Variants in ANKS1B observed in about 807,000 individuals in gnomAD.
ANKS1B encodes ankyrin repeat and sterile alpha motif domain-containing protein 1B.
ANKS1B carries 36 observed loss-of-function variants against 148.3 expected under a neutral mutation model. The observed-to-expected ratio is 0.24, with a 90% CI of 0.19 to 0.32. The LOEUF (loss-of-function observed/expected upper bound fraction) is 0.32. Among genes scored for constraint, ANKS1B ranks in the 10% least tolerant of loss-of-function variants. ANKS1B has a pLI of 1.00. For synonymous variants in ANKS1B, 542 were observed against 560.8 expected, an observed-to-expected ratio of 0.97 and a Z score of 0.47; for missense variants, 1,157 against 1,542.6, an observed-to-expected ratio of 0.75 and a Z score of 4.19.
chr12:99,844,165 T>C (rs1232344296), intron 1 of ANKS1B, among the ~76,000 whole-genome samples: 1 of 152,182 alleles, frequency 6.6e-6, no homozygotes, highest in East Asian at 1.9e-4. Context: ...AGAGAGTAGA[T>C]TGCAAGAATT....
At chr12:98,780,321 C>T (rs1285426779) in intron 24 of ANKS1B, among the ~76,000 whole-genome samples, 3 of 152,298 alleles carry the variant, frequency 2.0e-5, no homozygotes, top group South Asian at 2.1e-4. Context: ...AACACATGAA[C>T]GTTTGGGGTT....
At chr12:99,653,126 G>A (rs574852417) in intron 9 of ANKS1B, among the ~76,000 whole-genome samples, 7 of 152,048 alleles carry the variant, frequency 4.6e-5, no homozygotes, top group African/African-American at 1.7e-4. Context: ...ATGGCCAAAG[G>A]TAAAGCAAAC....
chr12:98,806,769 C>T (rs901721286), intron 20 of ANKS1B, among the ~76,000 whole-genome samples: 2 of 152,186 alleles, frequency 1.3e-5, no homozygotes, highest in Non-Finnish European at 2.9e-5. Context: ...GTTGGTTATA[C>T]TGAATTTGTT....
chr12:99,572,261 G>C (rs756981932), intron 9 of ANKS1B, among the ~76,000 whole-genome samples: 20 of 151,968 alleles, frequency 1.3e-4, no homozygotes, highest in Non-Finnish European at 1.3e-4. Context: ...ATACCATCTT[G>C]AATTGAAATA....
rs12313090 is a variant in ANKS1B at position 99,880,600 on chromosome 12, A to G, written c.135-55211T>C. On this transcript the variant is annotated intron_variant, in intron 1 of 26. Transcript: ENST00000683438. ...CTGCCTTCTATGTACAGGTAGTAGT[A>G]TAGAATAGTTGTGTACATGTGATGC... Among the ~76,000 whole-genome samples the G allele has an allele frequency of 5.0e-3, 761 of 152,354 alleles. 8 individuals are homozygous for G. Among genetic ancestry groups the G allele is most frequent in the African/African-American group, 0.017 (712 of 41,578 alleles).
chr12:98,982,293 T>A (rs1339351817), intron 17 of ANKS1B, among the ~76,000 whole-genome samples: 50 of 148,986 alleles, frequency 3.4e-4, no homozygotes, highest in Admixed American at 3.3e-3. Context: ...GGGGCCTACC[T>A]CTGTAGTTCT....
chr12:98,827,673 C>T (rs2099261025), intron 19 of ANKS1B, among the ~76,000 whole-genome samples: 1 of 152,092 alleles, frequency 6.6e-6, no homozygotes, highest in South Asian at 2.1e-4. Flanking sequence ...AAAAACCCTG[C>T]AGTATATGGA....
intron 12 of ANKS1B, among the ~76,000 whole-genome samples, chr12:99,276,234 G>T (rs762448810): frequency 1.3e-5 from 2 of 152,032 alleles, no homozygotes; most frequent in African/African-American, 2.4e-5. Context: ...AGACGGTTTG[G>T]GACATTAAAT....
chr12:99,626,967 T>C (rs915735846), intron 9 of ANKS1B, among the ~76,000 whole-genome samples: 6 of 152,126 alleles, frequency 3.9e-5, no homozygotes, highest in African/African-American at 1.4e-4. Context: ...ATTCAAAGGA[T>C]ATAATAAAAT....
At chr12:99,774,569 T>A (rs146282027) in intron 7 of ANKS1B, among the ~76,000 whole-genome samples, 8 of 152,116 alleles carry the variant, frequency 5.3e-5, no homozygotes, top group African/African-American at 1.9e-4. Context: ...GAAAACAGTA[T>A]GGAGATTCCT....
At chr12:99,477,706 T>C (rs115041126) in intron 10 of ANKS1B, among the ~76,000 whole-genome samples, 216 of 152,334 alleles carry the variant, frequency 1.4e-3, no homozygotes, top group African/African-American at 4.7e-3. Flanking sequence ...TTAAAATATA[T>C]GTATCCTTTC....
rs550150076 is a variant in ANKS1B at position 99,056,106 on chromosome 12, A to G, written c.2626-2797T>C. Reference sequence around the variant, plus strand: ...ATGCTGAGGTGTACAGGGCAGTATCATCCGCCCACTCATTCAATAAATATT... The same window carrying G: ...ATGCTGAGGTGTACAGGGCAGTATCGTCCGCCCACTCATTCAATAAATATT... On this transcript the variant is annotated intron_variant, in intron 16 of 26. Transcript: ENST00000683438. Among the ~76,000 whole-genome samples, 3 of 152,306 alleles carry G rather than the reference A, an allele frequency of 2.0e-5. No individual in the cohort carries two copies. In the East Asian group the frequency reaches 5.8e-4, roughly 29 times the overall value.
chr12:99,341,529 C>T (rs2089917036), intron 12 of ANKS1B, among the ~76,000 whole-genome samples: 1 of 152,260 alleles, frequency 6.6e-6, no homozygotes, highest in Admixed American at 6.6e-5. Context: ...CATGTGGCTA[C>T]TGCCTTCTCT....
At chr12:99,939,772 C>T (rs1485657906) in intron 1 of ANKS1B, among the ~76,000 whole-genome samples, 3 of 151,936 alleles carry the variant, frequency 2.0e-5, no homozygotes, top group South Asian at 4.2e-4. Flanking sequence ...CAGTTAGTTA[C>T]GTGTTATAAA....
intron 9 of ANKS1B, among the ~76,000 whole-genome samples, chr12:99,523,578 G>T (rs1367995012): frequency 1.4e-5 from 2 of 143,426 alleles, no homozygotes; most frequent in Non-Finnish European, 3.0e-5. Context: ...TTTTGAGACG[G>T]AGTCTCACTC....
At chr12:99,500,087 TTC>T (rs754881280) in intron 10 of ANKS1B, among the ~76,000 whole-genome samples, 1 of 152,144 alleles carries the variant, frequency 6.6e-6, no homozygotes, top group Non-Finnish European at 1.5e-5. Context: ...AGAAAGTTTC[TTC>T]TCTCTCTGCA....
At chr12:98,855,421 G>C (rs1434806897) in intron 17 of ANKS1B, among the ~76,000 whole-genome samples, 1 of 152,118 alleles carries the variant, frequency 6.6e-6, no homozygotes, top group Non-Finnish European at 1.5e-5. Context: ...TTACCCACAT[G>C]TCATTTATTG....
intron 2 of ANKS1B, among the ~76,000 whole-genome samples, chr12:99,823,712 T>C (rs1003085985): frequency 6.6e-6 from 1 of 152,226 alleles, no homozygotes; most frequent in Non-Finnish European, 1.5e-5. Flanking sequence ...AAGATTCTTA[T>C]AGTTTGAGAT....
chr12:98,956,627 A>G (rs934861111), intron 17 of ANKS1B, among the ~76,000 whole-genome samples: 7 of 151,120 alleles, frequency 4.6e-5, no homozygotes, highest in African/African-American at 7.3e-5. Context: ...CAATTTTCAG[A>G]TATAAATAGG....
Sources: allele counts gnomAD v4.1 joint callset (sites outside exome capture counted in the v4.1 genomes callset), GRCh38; gene constraint gnomAD v4.1.1; transcripts MANE v1.5; gene names NCBI Gene and HGNC (gene_info 2026-07-23, HGNC 2026-07-21).